The following C8orf88 variants were observed in gnomAD, a reference collection of about 807,000 sequenced individuals.
C8orf88 encodes the protein chromosome 8 open reading frame 88.
Under a neutral mutation model 18.4 loss-of-function variants are expected in C8orf88, and 14 were observed. The ratio of observed to expected loss-of-function variants is 0.76; its 90% confidence interval spans 0.50 to 1.19. C8orf88 has a LOEUF of 1.19. Ranked by LOEUF, C8orf88 falls within the 50% of genes most tolerant of loss-of-function variation. C8orf88 has a pLI of 0.00. For synonymous variants in C8orf88, 45 were observed against 42.9 expected (o/e 1.05, Z -0.19); for missense variants, 116 against 134.7 (o/e 0.86, Z 0.69).
At chr8:90,966,378 A>G (rs925181285) in intron 4 of C8orf88, among the ~76,000 whole-genome samples, 2 of 145,690 alleles carry the variant, frequency 1.4e-5, no homozygotes, top group African/African-American at 5.0e-5. Flanking sequence ...GGGGAGGGAT[A>G]GCATTGGGAG....
chr8:90,966,412 GT>G (rs1811198796), intron 4 of C8orf88, among the ~76,000 whole-genome samples: 1 of 148,418 alleles, frequency 6.7e-6, no homozygotes, highest in Admixed American at 6.7e-5. Context: ...TAGATGATGA[GT>G]TAGTGGGTGC....
At chr8:90,970,766 A>G (rs1247611624) in intron 4 of C8orf88, among the ~76,000 whole-genome samples, 1 of 152,064 alleles carries the variant, frequency 6.6e-6, no homozygotes, top group Non-Finnish European at 1.5e-5. Flanking sequence ...ATGGCATAGC[A>G]ATAAGATAAC....
At chr8:90,965,464 G>C (rs1010193599) in intron 4 of C8orf88, among the ~76,000 whole-genome samples, 8 of 151,614 alleles carry the variant, frequency 5.3e-5, no homozygotes, top group Non-Finnish European at 1.0e-4. Flanking sequence ...CTTAACAGAA[G>C]ATCAACAAGA....
In C8orf88 at chr8:90,971,080, G is replaced by C; in HGVS notation, c.209C>G (p.Ser70Cys). The C allele has an allele frequency of 6.6e-7, 1 of 1,514,570 alleles. No homozygotes were observed. Among genetic ancestry groups the C allele is most frequent in the Non-Finnish European group, 8.8e-7 (1 of 1,134,570 alleles). 93.8% of individuals were successfully genotyped at this position (1,514,570 alleles called of 1,614,324 possible). A position where few individuals can be genotyped will look rare whatever the true frequency, so the allele number is the denominator to read the frequency against. ...TAAAATTTTACCTTTCTTAACTGGAGACTGCTGTTGCTGTTGCTCATTAAG... is the reference window on the plus strand; with the variant it reads ...TAAAATTTTACCTTTCTTAACTGGACACTGCTGTTGCTGTTGCTCATTAAG... ...QGLNEQQQQQ[S>C]PVKKERIKYS... Residue 70 changes from serine (S) to cysteine (C), a missense_variant, in exon 4 of 6, where the codon TCT becomes TGT. Ser to Cys is a moderately radical substitution (Grantham distance 112, BLOSUM62 -1). Transcript: ENST00000517562.
intron 3 of C8orf88, among the ~76,000 whole-genome samples, chr8:90,971,973 G>A (rs1288494687): frequency 6.6e-6 from 1 of 152,006 alleles, no homozygotes; most frequent in Non-Finnish European, 1.5e-5. Context: ...TTACAAACTT[G>A]GTTAATACTA....
At chr8:90,981,577 T>C (rs1445226065) in intron 1 of C8orf88, among the ~76,000 whole-genome samples, 1 of 152,132 alleles carries the variant, frequency 6.6e-6, no homozygotes, top group Non-Finnish European at 1.5e-5. Context: ...CTTCCTTACA[T>C]TCCTCCTTCA....
chr8:90,971,718 G>A lies in C8orf88; in HGVS notation c.148-577C>T, dbSNP rs916890533. Among the ~76,000 whole-genome samples the A allele has an allele frequency of 5.3e-5, 8 of 152,074 alleles. No homozygotes were observed. In the East Asian group the frequency reaches 1.4e-3, roughly 26 times the overall value. ...GTGCAGAGTTTTTCCAGTCTCACTT[G>A]CAAGACCATCTTTATGATAAGATTG... On this transcript the variant is annotated intron_variant, in intron 3 of 5. Coordinates refer to ENST00000517562, the MANE Select transcript of C8orf88 (RefSeq NM_001190972.2).
intron 4 of C8orf88, among the ~76,000 whole-genome samples, chr8:90,966,558 C>T (rs1262513301): frequency 1.4e-5 from 2 of 143,120 alleles, no homozygotes; most frequent in South Asian, 4.5e-4. Flanking sequence ...TGTCTTTAGG[C>T]GACTCACCAA....
intron 4 of C8orf88, among the ~76,000 whole-genome samples, chr8:90,967,532 A>G (rs1005939631): frequency 2.0e-5 from 3 of 151,818 alleles, no homozygotes; most frequent in African/African-American, 7.2e-5. Flanking sequence ...ACTGGTGAGA[A>G]GCAATCTAGT....
intron 4 of C8orf88, among the ~76,000 whole-genome samples, chr8:90,968,540 C>G (rs1334507558): frequency 6.7e-6 from 1 of 149,976 alleles, no homozygotes; most frequent in Non-Finnish European, 1.5e-5. Flanking sequence ...GATATGACAC[C>G]AAAAACACGA....
chr8:90,983,913 T>C (rs1811469684), intron 1 of C8orf88, among the ~76,000 whole-genome samples: 1 of 152,208 alleles, frequency 6.6e-6, no homozygotes, highest in Non-Finnish European at 1.5e-5. Flanking sequence ...AAAATTAATG[T>C]GAAAAGTAAC....
At chr8:90,963,152 T>C (rs1811151356) in intron 4 of C8orf88, among the ~76,000 whole-genome samples, 1 of 151,698 alleles carries the variant, frequency 6.6e-6, no homozygotes. Context: ...GGGGCTTCTT[T>C]GTTTTTCAGT....
intron 2 of C8orf88, among the ~76,000 whole-genome samples, chr8:90,979,070 G>A (rs946222672): frequency 1.3e-5 from 2 of 152,152 alleles, no homozygotes; most frequent in African/African-American, 4.8e-5. Context: ...ATCTGAGATG[G>A]CCAGGGAGTA....
At chr8:90,968,736 A>G (rs1055654678) in intron 4 of C8orf88, among the ~76,000 whole-genome samples, 1 of 143,866 alleles carries the variant, frequency 7.0e-6, no homozygotes, top group African/African-American at 2.5e-5. Context: ...TAGATAATAG[A>G]TAAGAGTCTA....
intron 2 of C8orf88, 65 bp from the exon 3 acceptor site, chr8:90,978,717 A>C (rs1811389532): frequency 2.1e-6 from 2 of 955,540 alleles, no homozygotes; most frequent in South Asian, 1.7e-5. Flanking sequence ...TAATCAACTA[A>C]AAAGCTTAAG....
At chr8:90,962,333 T>C (rs1424141526) in intron 4 of C8orf88, among the ~76,000 whole-genome samples, 3 of 151,538 alleles carry the variant, frequency 2.0e-5, no homozygotes, top group East Asian at 3.9e-4. Context: ...AATGAGGACA[T>C]AAATCAATAA....
rs995482403 is a variant in C8orf88, at chr8:90,974,840, TATC to T, written c.148-3702_148-3700del. On this transcript the variant is annotated intron_variant, in intron 3 of 5. Coordinates refer to ENST00000517562, the MANE Select transcript of C8orf88 (RefSeq NM_001190972.2). ...TTTACAGTCCAAACAAAAGTAAAATTATCATCATAATAAGCACAAGAATGTAAG... is the reference window on the plus strand; with the variant it reads ...TTTACAGTCCAAACAAAAGTAAAATTATCATAATAAGCACAAGAATGTAAG... Among the ~76,000 whole-genome samples the T allele has an allele frequency of 3.4e-4, 51 of 152,032 alleles. 1 individual carries two copies. Among genetic ancestry groups the T allele is most frequent in the Admixed American group, 1.6e-3 (24 of 15,258 alleles).
intron 3 of C8orf88, among the ~76,000 whole-genome samples, chr8:90,972,970 G>A (rs377011459): frequency 5.1e-4 from 78 of 152,162 alleles, no homozygotes; most frequent in African/African-American, 1.4e-3. Context: ...TAGTGGACCC[G>A]TTGAACTCAT....
rs182043033 is a variant in C8orf88, at chr8:90,960,872, T to C, written c.224-24A>G. ...CTCTGTAGATATTAAACATCAAATATAATGTTAGGAAATGTAGGGCTGTCT... is the reference window on the plus strand; with the variant it reads ...CTCTGTAGATATTAAACATCAAATACAATGTTAGGAAATGTAGGGCTGTCT... On this transcript the variant is annotated intron_variant, in intron 4 of 5. Coordinates refer to ENST00000517562, the MANE Select transcript of C8orf88 (RefSeq NM_001190972.2). The C allele has an allele frequency of 4.7e-3, 6,188 of 1,328,094 alleles. 19 individuals carry two copies. The highest frequency in any genetic ancestry group is 5.9e-3 in the Non-Finnish European group (5,697 of 959,906). 82.3% of individuals were successfully genotyped at this position (1,328,094 alleles called of 1,614,324 possible).
Sources: allele counts gnomAD v4.1 joint callset (sites outside exome capture counted in the v4.1 genomes callset), GRCh38; gene constraint gnomAD v4.1.1; transcripts MANE v1.5; gene names NCBI Gene and HGNC (gene_info 2026-07-23, HGNC 2026-07-21).